HOMER1: variants seen among roughly 807,000 people sequenced by gnomAD.
The protein encoded by HOMER1 is homer scaffold protein 1.
Under a neutral mutation model 48.9 loss-of-function variants are expected in HOMER1, and 3 were observed. That is an observed-to-expected ratio of 0.06 (90% CI 0.03 to 0.16). The LOEUF (loss-of-function observed/expected upper bound fraction) is 0.16. HOMER1 is among the 10% of genes least tolerant of loss of function. The probability of loss-of-function intolerance (pLI) is 1.00; values close to 1 mark genes in which losing one functional copy is unlikely to be tolerated. For missense variants in HOMER1, 247 were observed against 411.4 expected, an observed-to-expected ratio of 0.60 and a Z score of 3.46; for synonymous variants, 134 against 146.4, an observed-to-expected ratio of 0.92 and a Z score of 0.61.
intron 5 of HOMER1, among the ~76,000 whole-genome samples, chr5:79,424,632 G>T (rs1750192522): frequency 6.6e-6 from 1 of 151,936 alleles, no homozygotes; most frequent in Non-Finnish European, 1.5e-5. Context: ...AGGTAGGGAG[G>T]TAAGTGTTCT....
At chr5:79,421,609 CT>C (rs548883268) in intron 5 of HOMER1, among the ~76,000 whole-genome samples, 199 of 142,798 alleles carry the variant, frequency 1.4e-3, no homozygotes, top group South Asian at 5.2e-3. Flanking sequence ...TGTTATTTTT[CT>C]TTTTTTTTTT....
intron 3 of HOMER1, 56 bp from the exon 4 acceptor site, chr5:79,447,201 CT>C: frequency 9.7e-7 from 1 of 1,029,764 alleles, no homozygotes; most frequent in Non-Finnish European, 1.5e-6. Flanking sequence ...ACAGTGCCCA[CT>C]TTTACCTTAG....
intron 8 of HOMER1, among the ~76,000 whole-genome samples, chr5:79,380,351 T>C (rs1249921709): frequency 1.3e-5 from 2 of 152,076 alleles, no homozygotes; most frequent in Non-Finnish European, 2.9e-5. Context: ...CCACCTCCAA[T>C]AAACTGCAGT....
At chr5:79,379,475 T>TA (rs33952750) in intron 8 of HOMER1, among the ~76,000 whole-genome samples, 15 of 123,970 alleles carry the variant, frequency 1.2e-4, no homozygotes, top group African/African-American at 3.1e-4. Context: ...ATTTTATATA[T>TA]AAATATATAA....
At chr5:79,419,854 A>AT (rs1206466924) in intron 5 of HOMER1, among the ~76,000 whole-genome samples, 4 of 148,048 alleles carry the variant, frequency 2.7e-5, no homozygotes, top group Non-Finnish European at 5.9e-5. Flanking sequence ...TGACTTCTGG[A>AT]TTTTAACACG....
At chr5:79,377,654 C>T (rs1043430199) in intron 8 of HOMER1, among the ~76,000 whole-genome samples, 8 of 151,976 alleles carry the variant, frequency 5.3e-5, no homozygotes, top group Non-Finnish European at 1.0e-4. Flanking sequence ...TCTATCAAGT[C>T]TAAAGGACAG....
intron 5 of HOMER1, among the ~76,000 whole-genome samples, chr5:79,408,978 A>G (rs1049453523): frequency 1.6e-4 from 24 of 150,984 alleles, no homozygotes; most frequent in African/African-American, 5.4e-4. Flanking sequence ...GCTACTCAGG[A>G]GGCTGAGGCA....
intron 1 of HOMER1, among the ~76,000 whole-genome samples, chr5:79,504,745 T>C (rs531836990): frequency 1.3e-5 from 2 of 152,118 alleles, no homozygotes; most frequent in African/African-American, 2.4e-5. Context: ...TATACGTAAA[T>C]ATAAAAGAAT....
intron 8 of HOMER1, among the ~76,000 whole-genome samples, chr5:79,393,755 A>G (rs1469994899): frequency 6.6e-6 from 1 of 152,252 alleles, no homozygotes; most frequent in African/African-American, 2.4e-5. Flanking sequence ...ATAGCATAAC[A>G]CTGGAAACAA....
At chr5:79,484,133 G>C (rs1293223566) in intron 1 of HOMER1, among the ~76,000 whole-genome samples, 3 of 151,338 alleles carry the variant, frequency 2.0e-5, no homozygotes, top group Non-Finnish European at 4.4e-5. Flanking sequence ...CTGTATTATT[G>C]TAAGGTTCTT....
intron 4 of HOMER1, among the ~76,000 whole-genome samples, chr5:79,445,089 G>A (rs1750839455): frequency 6.6e-6 from 1 of 152,156 alleles, no homozygotes; most frequent in Admixed American, 6.5e-5. Context: ...AGAGCTGGGT[G>A]ATAGAAGTGG....
At chr5:79,384,692 A>G (rs181757205) in intron 8 of HOMER1, among the ~76,000 whole-genome samples, 19 of 152,270 alleles carry the variant, frequency 1.2e-4, no homozygotes, top group South Asian at 2.1e-4. Context: ...AAGATACAAC[A>G]AAAAAAGAAA....
intron 1 of HOMER1, among the ~76,000 whole-genome samples, chr5:79,500,963 G>GACACAGACACACACACACACACACAC (rs1752566545): frequency 3.0e-5 from 3 of 101,600 alleles, no homozygotes; most frequent in African/African-American, 1.0e-4. Flanking sequence ...GAGACAGACA[G>GACACAGACACACACACACACACACAC]ACACACACAC....
chr5:79,413,690 A>T (rs1749867183), intron 5 of HOMER1, among the ~76,000 whole-genome samples: 1 of 136,116 alleles, frequency 7.3e-6, no homozygotes. Flanking sequence ...ATAAATTTTA[A>T]CGTAAAAAAA....
intron 5 of HOMER1, among the ~76,000 whole-genome samples, chr5:79,434,912 G>C (rs959913221): frequency 6.6e-6 from 1 of 152,114 alleles, no homozygotes; most frequent in Admixed American, 6.5e-5. Flanking sequence ...TAATAGCTTA[G>C]TAAATAAGTT....
At chr5:79,401,052 A>G (rs1288722594) in intron 6 of HOMER1, among the ~76,000 whole-genome samples, 1 of 149,000 alleles carries the variant, frequency 6.7e-6, no homozygotes, top group Non-Finnish European at 1.5e-5. Context: ...GGCTTCTGAT[A>G]TTAATGGTAT....
chr5:79,385,161 G>C (rs1749076766), intron 8 of HOMER1, among the ~76,000 whole-genome samples: 1 of 151,808 alleles, frequency 6.6e-6, no homozygotes, highest in African/African-American at 2.4e-5. Flanking sequence ...ATTACTAGAA[G>C]AAAACTTTAA....
chr5:79,475,349 A>T, intron 1 of HOMER1, among the ~76,000 whole-genome samples: 1 of 151,336 alleles, frequency 6.6e-6, no homozygotes, highest in East Asian at 1.9e-4. Context: ...TCTAAACCTG[A>T]CAGTTCGTCG....
intron 5 of HOMER1, among the ~76,000 whole-genome samples, chr5:79,412,167 G>C (rs1260717703): frequency 6.6e-6 from 1 of 152,184 alleles, no homozygotes; most frequent in Non-Finnish European, 1.5e-5. Context: ...GGTTGCAGTA[G>C]GTTTTTTTCT....
Sources: allele counts gnomAD v4.1 joint callset (sites outside exome capture counted in the v4.1 genomes callset), GRCh38; gene constraint gnomAD v4.1.1; transcripts MANE v1.5; gene names NCBI Gene and HGNC (gene_info 2026-07-23, HGNC 2026-07-21).